The following TMEM108 variants were observed in gnomAD, a reference collection of about 807,000 sequenced individuals.
TMEM108 encodes cancer/testis antigen 124.
TMEM108 carries 12 observed loss-of-function variants against 35.1 expected under a neutral mutation model. The observed-to-expected ratio is 0.34, with a 90% confidence interval of 0.22 to 0.55. The LOEUF (loss-of-function observed/expected upper bound fraction) is 0.55. Among genes scored for constraint, TMEM108 ranks in the 20% least tolerant of loss-of-function variants. The pLI, the probability that TMEM108 is intolerant of heterozygous loss-of-function variation, is 0.89. For synonymous variants in TMEM108, 287 were observed against 308.6 expected, an observed-to-expected ratio of 0.93 and a Z score of 0.73; for missense variants, 680 against 753.3, an observed-to-expected ratio of 0.90 and a Z score of 1.14.
chr3:133,138,484 A>G (rs796454928), intron 2 of TMEM108, among the ~76,000 whole-genome samples: 4 of 152,210 alleles, frequency 2.6e-5, no homozygotes, highest in African/African-American at 9.6e-5. Flanking sequence ...TTCTTAAAAC[A>G]TTATGAGATT....
At chr3:133,173,227 A>G (rs1431599285) in intron 2 of TMEM108, among the ~76,000 whole-genome samples, 1 of 152,242 alleles carries the variant, frequency 6.6e-6, no homozygotes, top group Non-Finnish European at 1.5e-5. Context: ...ATAAGTTTGT[A>G]AAAATGGTGC....
intron 3 of TMEM108, among the ~76,000 whole-genome samples, chr3:133,358,659 G>A (rs567231928): frequency 1.3e-5 from 2 of 152,216 alleles, no homozygotes; most frequent in East Asian, 3.9e-4. Context: ...GTTTCTCTTT[G>A]AGCAGTTATT....
At chr3:133,391,716 A>G (rs965370765) in intron 5 of TMEM108, among the ~76,000 whole-genome samples, 1 of 151,532 alleles carries the variant, frequency 6.6e-6, no homozygotes, top group African/African-American at 2.4e-5. Flanking sequence ...TCTCCCCAGC[A>G]CCCCCTTCAC....
Position 133,138,507 on chromosome 3 carries a change from AT to A in TMEM108, c.-46-90749del, listed in dbSNP as rs879712854. Among the ~76,000 whole-genome samples the A allele has an allele frequency of 3.1e-3, 474 of 150,668 alleles. 4 individuals are homozygous for A. Among genetic ancestry groups the A allele is most frequent in the African/African-American group, 7.0e-3 (287 of 41,106 alleles). On this transcript the variant is annotated intron_variant, in intron 2 of 5. Coordinates refer to ENST00000321871, the MANE Select transcript of TMEM108 (RefSeq NM_023943.4). Reference sequence around the variant, plus strand: ...ACATTATGAGATTTTTTTGTGTGTGATTTTTTTTTTCTAAGCTCATCAGCTA... The same window carrying A: ...ACATTATGAGATTTTTTTGTGTGTGATTTTTTTTTCTAAGCTCATCAGCTA...
chr3:133,274,703 C>T (rs533357944), intron 3 of TMEM108, among the ~76,000 whole-genome samples: 1 of 152,332 alleles, frequency 6.6e-6, no homozygotes, highest in East Asian at 1.9e-4. Context: ...TGACAACCTG[C>T]CCACTGCAAT....
intron 3 of TMEM108, among the ~76,000 whole-genome samples, chr3:133,295,954 C>T (rs773128009): frequency 5.9e-5 from 9 of 152,192 alleles, no homozygotes; most frequent in Non-Finnish European, 1.2e-4. Flanking sequence ...TATTGGGGAA[C>T]AACCTCTCTT....
chr3:133,374,072 G>A (rs1276449167), intron 3 of TMEM108, among the ~76,000 whole-genome samples: 4 of 152,204 alleles, frequency 2.6e-5, no homozygotes, highest in Non-Finnish European at 5.9e-5. Flanking sequence ...GTTCTTACGG[G>A]GGGCCAAAGC....
chr3:133,194,576 T>G (rs77338809), intron 2 of TMEM108, among the ~76,000 whole-genome samples: 2 of 136,262 alleles, frequency 1.5e-5, no homozygotes, highest in Non-Finnish European at 3.1e-5. Context: ...AATTCCATGG[T>G]TTTTTTTTTT....
chr3:133,065,122 A>G (rs1226037350), intron 2 of TMEM108, among the ~76,000 whole-genome samples: 1 of 152,220 alleles, frequency 6.6e-6, no homozygotes, highest in Non-Finnish European at 1.5e-5. Context: ...TAAAGTCACA[A>G]TGATGTGATC....
At chr3:133,159,978 A>G (rs978296249) in intron 2 of TMEM108, among the ~76,000 whole-genome samples, 2 of 152,222 alleles carry the variant, frequency 1.3e-5, no homozygotes, top group Non-Finnish European at 2.9e-5. Flanking sequence ...GTAAGAATCC[A>G]TGTTGAGAAG....
At chr3:133,339,363 G>A (rs954589423) in intron 3 of TMEM108, among the ~76,000 whole-genome samples, 29 of 151,690 alleles carry the variant, frequency 1.9e-4, no homozygotes, top group Non-Finnish European at 3.7e-4. Flanking sequence ...AGACAAAGAA[G>A]GTCACTATAT....
intron 3 of TMEM108, among the ~76,000 whole-genome samples, chr3:133,257,383 C>G (rs1372409187): frequency 6.6e-6 from 1 of 152,184 alleles, no homozygotes; most frequent in Non-Finnish European, 1.5e-5. Flanking sequence ...AGTTTATTGC[C>G]AGTCTCTGAG....
intron 3 of TMEM108, among the ~76,000 whole-genome samples, chr3:133,289,884 G>GT (rs1947038283): frequency 2.0e-5 from 3 of 152,152 alleles, no homozygotes; most frequent in Admixed American, 6.5e-5. Flanking sequence ...GACCATCCAA[G>GT]TATTTGTTCC....
At chr3:133,073,677 A>C (rs1026135436) in intron 2 of TMEM108, among the ~76,000 whole-genome samples, 4 of 151,588 alleles carry the variant, frequency 2.6e-5, no homozygotes, top group Middle Eastern at 3.4e-3. Context: ...ATATATACCC[A>C]GTAGTAGGAT....
intron 3 of TMEM108, among the ~76,000 whole-genome samples, chr3:133,297,812 C>T (rs573316281): frequency 1.3e-5 from 2 of 152,246 alleles, no homozygotes; most frequent in East Asian, 1.9e-4. Context: ...GAACAAGCAC[C>T]CCTCCAGGCG....
chr3:133,147,945 C>T (rs1944744929), intron 2 of TMEM108, among the ~76,000 whole-genome samples: 1 of 147,308 alleles, frequency 6.8e-6, no homozygotes, highest in South Asian at 2.1e-4. Flanking sequence ...TGATTAAAAA[C>T]CCTCCTCTGA....
At chr3:133,154,842 TGTAAAACTTAAA>T (rs1944855871) in intron 2 of TMEM108, among the ~76,000 whole-genome samples, 1 of 152,046 alleles carries the variant, frequency 6.6e-6, no homozygotes, top group African/African-American at 2.4e-5. Flanking sequence ...GTACATGTAC[TGTAAAACTTAAA>T]GTATAATAAT....
At chr3:133,311,290 A>G (rs1443397647) in intron 3 of TMEM108, among the ~76,000 whole-genome samples, 1 of 152,176 alleles carries the variant, frequency 6.6e-6, no homozygotes, top group Non-Finnish European at 1.5e-5. Context: ...CTCCTGGATA[A>G]TATCCTGAAG....
intron 2 of TMEM108, among the ~76,000 whole-genome samples, chr3:133,162,609 T>C (rs1293454829): frequency 6.6e-6 from 1 of 152,224 alleles, no homozygotes; most frequent in East Asian, 1.9e-4. Context: ...AGCACACATT[T>C]GCAAGACAGA....
Sources: allele counts gnomAD v4.1 joint callset (sites outside exome capture counted in the v4.1 genomes callset), GRCh38; gene constraint gnomAD v4.1.1; transcripts MANE v1.5; gene names NCBI Gene and HGNC (gene_info 2026-07-23, HGNC 2026-07-21).